The following GSTM3 variants were observed in gnomAD, a reference collection of about 807,000 sequenced individuals.
GSTM3 encodes the protein glutathione S-transferase mu 3.
GSTM3 carries 34 observed loss-of-function variants against 36.1 expected under a neutral mutation model. The ratio of observed to expected loss-of-function variants is 0.94; its 90% CI spans 0.72 to 1.25. The LOEUF (loss-of-function observed/expected upper bound fraction) is 1.25. GSTM3 is among the 50% of genes most tolerant of loss of function. The pLI is 0.00. For synonymous variants in GSTM3, 102 were observed against 99.5 expected (o/e 1.03, Z -0.15); for missense variants, 266 against 281.6 (o/e 0.94, Z 0.40).
In GSTM3 at chr1:109,734,020, C is replaced by T. The variant is rs966364522; in HGVS notation, c.*3051G>A. Reference sequence around the variant, plus strand: ...TCTTGAAAGCAGGTTGCCAGTAAGGCGTCTGTGTTCTGTGTCTTTTATGTG... The same window carrying T: ...TCTTGAAAGCAGGTTGCCAGTAAGGTGTCTGTGTTCTGTGTCTTTTATGTG... On this transcript the variant is annotated 3_prime_UTR_variant, in exon 9 of 9. Coordinates refer to ENST00000361066, the MANE Select transcript of GSTM3 (RefSeq NM_000849.5). 2 of 152,176 alleles carry T rather than the reference C, an allele frequency of 1.3e-5. No individual in the cohort carries two copies. The highest frequency in any genetic ancestry group is 4.8e-5 in the African/African-American group (2 of 41,442). The allele number at this position is 152,176 out of a possible 1,614,324, so 9.4% of individuals were successfully genotyped here.
chr1:109,736,796 A>C lies in GSTM3; in HGVS notation c.*275T>G. 5.1e-6 allele frequency: 2 copies of C among 390,368 alleles called. No individual in the cohort carries two copies. Among genetic ancestry groups the C allele is most frequent in the Admixed American group, 4.2e-5 (1 of 23,888 alleles). 24.2% of individuals were successfully genotyped at this position (390,368 alleles called of 1,614,324 possible). On this transcript the variant is annotated 3_prime_UTR_variant, in exon 9 of 9. Transcript: ENST00000361066. ...CACACCTGCTCTCTCCAACTGTGCA[A>C]TCTCGTTTTTTCTAGTACCCACTCT... is the stretch of plus-strand genomic sequence containing the variant.
Position 109,733,946 on chromosome 1 carries a change from C to T in GSTM3, c.*3125G>A, listed in dbSNP as rs1006783014. 6.6e-6 allele frequency: 1 copy of T among 152,178 alleles called. No homozygotes were observed. Among genetic ancestry groups the T allele is most frequent in the African/African-American group, 2.4e-5 (1 of 41,448 alleles). 9.4% of individuals were successfully genotyped at this position (152,178 alleles called of 1,614,324 possible). ...ACATGGACATGGAGAGTGAGTAGGG[C>T]AGAGTAGAATTTATTGGGAAAAAGG... On this transcript the variant is annotated 3_prime_UTR_variant, in exon 9 of 9. Transcript: ENST00000361066.
At chr1:109,739,686 T>TA (rs1320100466) in intron 3 of GSTM3, 147 bp downstream of exon 3, 1 of 703,102 alleles carries the variant, frequency 1.4e-6, no homozygotes, top group African/African-American at 1.8e-5. Flanking sequence ...GAACCCCCAG[T>TA]TCCAGATAAA....
Position 109,736,781 on chromosome 1 carries a change from C to A in GSTM3, c.*290G>T. On this transcript the variant is annotated 3_prime_UTR_variant, in exon 9 of 9. Transcript: ENST00000361066. ...TCCAGTCCCATTTAACACACCTGCTCTCTCCAACTGTGCAATCTCGTTTTT... is the reference window on the plus strand; with the variant it reads ...TCCAGTCCCATTTAACACACCTGCTATCTCCAACTGTGCAATCTCGTTTTT... 1 of 356,644 alleles carries A rather than the reference C, an allele frequency of 2.8e-6. No individual in the cohort carries two copies. Among genetic ancestry groups the A allele is most frequent in the Non-Finnish European group, 5.2e-6 (1 of 192,196 alleles). The allele number at this position is 356,644 out of a possible 1,614,324, so 22.1% of individuals were successfully genotyped here.
Position 109,738,296 on chromosome 1 carries a change from T to C in GSTM3, c.260A>G (p.Lys87Arg). The stretch of plus-strand genomic sequence containing the variant: ...CCTACCCCACTCACACATGTTGTGC[T>C]TGCGAGCGATGTAGCGCAAGATGGC... ...SNAILRYIARKHNMCGETEEE... is the reference protein window; with the variant it reads ...SNAILRYIARRHNMCGETEEE... Residue 87 changes from lysine to arginine, a missense_variant, in exon 5 of 9, where the codon AAG (lysine) becomes AGG (arginine). By Grantham distance (26) the Lys-to-Arg change is conservative (BLOSUM62 2). Transcript: ENST00000361066. 1 of 1,613,740 alleles carries C rather than the reference T, an allele frequency of 6.2e-7. No individual in the cohort carries two copies. Among genetic ancestry groups the C allele is most frequent in the Non-Finnish European group, 8.5e-7 (1 of 1,179,586 alleles).
At chr1:109,737,420 G>T (rs1448328276) in intron 8 of GSTM3, 37 bp downstream of exon 8, 1 of 1,275,842 alleles carries the variant, frequency 7.8e-7, no homozygotes, top group Non-Finnish European at 1.1e-6. Context: ...GGGAGCCTGT[G>T]AGTGTTTTTA....
Position 109,737,015 on chromosome 1 carries a change from G to C in GSTM3, c.*56C>G, listed in dbSNP as rs1265410633. The C allele has an allele frequency of 2.9e-6, 3 of 1,047,050 alleles. No homozygotes were observed. The highest frequency in any genetic ancestry group is 3.1e-5 in the African/African-American group (2 of 64,184). The allele number at this position is 1,047,050 out of a possible 1,614,324, so 64.9% of individuals were successfully genotyped here. On this transcript the variant is annotated 3_prime_UTR_variant, in exon 9 of 9. Coordinates refer to ENST00000361066, the MANE Select transcript of GSTM3 (RefSeq NM_000849.5). ...TCATTGAAAAGAGCAAAGCAAGAGCGCTGACCCCTTACGGACAGGATGAAA... is the reference window on the plus strand; with the variant it reads ...TCATTGAAAAGAGCAAAGCAAGAGCCCTGACCCCTTACGGACAGGATGAAA...
Position 109,737,544 on chromosome 1 carries a change from G to A in GSTM3, c.492C>T (p.Thr164=). The A allele has an allele frequency of 6.2e-7, 1 of 1,612,796 alleles. No homozygotes were observed. The highest frequency in any genetic ancestry group is 8.5e-7 in the Non-Finnish European group (1 of 1,178,926). Residue 164 remains threonine (T), a synonymous_variant, in exon 8 of 9, where the codon ACC becomes ACT. Coordinates refer to ENST00000361066, the MANE Select transcript of GSTM3 (RefSeq NM_000849.5). The part of the protein sequence containing the change: ...GEKLTFVDFL[T]YDILDQNRIF... ...TACGGTTCTGATCCAAGATATCATA[G>A]GTGAGAAAATCCACAAAGGTGAGCT...
At chr1:109,740,666 G>A (rs994223236) in intron 1 of GSTM3, 155 bp from the exon 2 acceptor site, 1 of 285,690 alleles carries the variant, frequency 3.5e-6, no homozygotes, top group African/African-American at 2.3e-5. Context: ...GATTCGCGCC[G>A]TTTTTACCGA....
chr1:109,738,420 A>G, intron 4 of GSTM3, 54 bp from the exon 5 acceptor site: 1 of 1,124,546 alleles, frequency 8.9e-7, no homozygotes, highest in Admixed American at 1.7e-5. Context: ...TTGATTCCCT[A>G]CCTCTCTCTC....
At position 109,739,529 on chromosome 1, in the gene GSTM3, T is replaced by C. The variant is rs1005710910; in HGVS notation, c.125-36A>G. 3.3e-5 allele frequency: 49 copies of C among 1,465,978 alleles called. 1 individual carries two copies. The East Asian group carries it at 1.1e-3, about 33-fold the overall frequency. The allele number at this position is 1,465,978 out of a possible 1,614,324, so 90.8% of individuals were successfully genotyped here. On this transcript the variant is annotated intron_variant, in intron 3 of 8. Transcript: ENST00000361066. ...CGGAATTAAGTGGGACCCAACCTCC[T>C]TAATACCCCACCTGACAAGAGCAAA...
At position 109,740,338 on chromosome 1, in the gene GSTM3, G is replaced by C. The variant is rs530468308; in HGVS notation, c.-51C>G. ...GACTAGGGAAACTGTGAGCGGGAGGGGCTTTATACCCGACATAAGGGGGCG... is the reference window on the plus strand; with the variant it reads ...GACTAGGGAAACTGTGAGCGGGAGGCGCTTTATACCCGACATAAGGGGGCG... On this transcript the variant is annotated 5_prime_UTR_variant, in exon 2 of 9. Coordinates refer to ENST00000361066, the MANE Select transcript of GSTM3 (RefSeq NM_000849.5). 1.0e-5 allele frequency: 16 copies of C among 1,557,996 alleles called. No individual in the cohort carries two copies. In the East Asian group the frequency reaches 3.2e-4, roughly 31 times the overall value.
intron 2 of GSTM3, 101 bp downstream of exon 2, chr1:109,740,139 C>A (rs1334775130): frequency 8.8e-7 from 1 of 1,138,308 alleles, no homozygotes; most frequent in African/African-American, 1.5e-5. Context: ...GAAAAGGCTC[C>A]CGCGTAGAGC....
In GSTM3 at chr1:109,733,951, T is replaced by G. The variant is rs186960043; in HGVS notation, c.*3120A>C. On this transcript the variant is annotated 3_prime_UTR_variant, in exon 9 of 9. Coordinates refer to ENST00000361066, the MANE Select transcript of GSTM3 (RefSeq NM_000849.5). Reference sequence around the variant, plus strand: ...GACATGGAGAGTGAGTAGGGCAGAGTAGAATTTATTGGGAAAAAGGAAAGC... The same window carrying G: ...GACATGGAGAGTGAGTAGGGCAGAGGAGAATTTATTGGGAAAAAGGAAAGC... 5 of 151,826 alleles carry G rather than the reference T, an allele frequency of 3.3e-5. No individual in the cohort carries two copies. In the East Asian group the frequency reaches 5.8e-4, roughly 18 times the overall value. The allele number at this position is 151,826 out of a possible 1,614,324, so 9.4% of individuals were successfully genotyped here.
Position 109,738,382 on chromosome 1 carries a change from C to T in GSTM3, c.190-16G>A, listed in dbSNP as rs752985970. The T allele has an allele frequency of 8.9e-6, 14 of 1,581,180 alleles. No homozygotes were observed. The South Asian group carries it at 1.4e-4, about 16-fold the overall frequency. ...GGTAGGGCAGCTGAAAGGAAAAGGA[C>T]AGGACAAATGAACAACCTGCCTCTC... On this transcript the variant is annotated splice_polypyrimidine_tract_variant and intron_variant, in intron 4 of 8. Transcript: ENST00000361066.
intron 1 of GSTM3, among the ~76,000 whole-genome samples, chr1:109,740,718 G>A (rs960660425): frequency 1.3e-5 from 2 of 152,200 alleles, no homozygotes; most frequent in Non-Finnish European, 2.9e-5. Flanking sequence ...CTGGGGCAAG[G>A]CCGGAGAGTC....
In GSTM3 at chr1:109,737,714, C is replaced by T. The variant is rs1411755537; in HGVS notation, c.410G>A (p.Gly137Glu). 1 of 1,608,794 alleles carries T rather than the reference C, an allele frequency of 6.2e-7. No individual in the cohort carries two copies. The highest frequency in any genetic ancestry group is 8.5e-7 in the Non-Finnish European group (1 of 1,177,276). ...AAACATGGAGAATTGTTTCAGTTGT[C>T]CAGGTAGCTCTTCCAAGTACTGAGG... ...LKPQYLEELP[G>E]QLKQFSMFLG... Residue 137 changes from glycine to glutamate, a missense_variant, in exon 7 of 9, where the codon GGA (glycine) becomes GAA (glutamate). By Grantham distance (98) the Gly-to-Glu change is moderately conservative (BLOSUM62 -2). Coordinates refer to ENST00000361066, the MANE Select transcript of GSTM3 (RefSeq NM_000849.5).
At position 109,736,120 on chromosome 1, in the gene GSTM3, T is replaced by G. The variant is rs1339137626; in HGVS notation, c.*951A>C. The stretch of plus-strand genomic sequence containing the variant: ...CTCATCGGATAGAAGGAAATATGGT[T>G]TCTCACTGTTGTAATTGATAATTCC... On this transcript the variant is annotated 3_prime_UTR_variant, in exon 9 of 9. Coordinates refer to ENST00000361066, the MANE Select transcript of GSTM3 (RefSeq NM_000849.5). The G allele has an allele frequency of 1.3e-5, 2 of 152,256 alleles. No individual in the cohort carries two copies. Among genetic ancestry groups the G allele is most frequent in the African/African-American group, 4.8e-5 (2 of 41,468 alleles). The allele number at this position is 152,256 out of a possible 1,614,324, so 9.4% of individuals were successfully genotyped here. A position where few individuals can be genotyped will look rare whatever the true frequency, so the allele number is the denominator to read the frequency against.
chr1:109,739,074 T>C (rs1187429970), intron 4 of GSTM3, among the ~76,000 whole-genome samples: 3 of 152,084 alleles, frequency 2.0e-5, no homozygotes, highest in African/African-American at 7.2e-5. Flanking sequence ...TGAGCTGTGA[T>C]TGCGCCACTG....
Sources: gnomAD v4.1 joint callset for allele counts (sites outside exome capture counted in the v4.1 genomes callset) on GRCh38, gnomAD v4.1.1 for gene constraint, MANE v1.5 for transcripts, NCBI Gene and HGNC (gene_info 2026-07-23, HGNC 2026-07-21) for gene names.